The following AKAP13 variants were observed in gnomAD, a reference collection of about 807,000 sequenced individuals.
AKAP13 encodes the protein A-kinase anchor protein 13.
In AKAP13, 80 loss-of-function variants were observed where a neutral mutation model predicts 264.5. The observed-to-expected ratio is 0.30, with a 90% CI of 0.25 to 0.36. The LOEUF (loss-of-function observed/expected upper bound fraction) is 0.36, where lower values mean the gene tolerates loss of function less well. Among genes scored for constraint, AKAP13 ranks in the 10% least tolerant of loss-of-function variants. The pLI is 1.00. For synonymous variants in AKAP13, 1,380 were observed against 1,250.2 expected, an observed-to-expected ratio of 1.10 and a Z score of -2.19; for missense variants, 3,712 against 3,435.2, an observed-to-expected ratio of 1.08 and a Z score of -2.01.
At chr15:85,428,839 C>G (rs2072909177) in intron 1 of AKAP13, among the ~76,000 whole-genome samples, 1 of 152,156 alleles carries the variant, frequency 6.6e-6, no homozygotes, top group African/African-American at 2.4e-5. Flanking sequence ...ACTTTTCTAC[C>G]AGATAATCAT....
At chr15:85,651,987 T>A (rs531129312) in intron 10 of AKAP13, among the ~76,000 whole-genome samples, 1 of 152,236 alleles carries the variant, frequency 6.6e-6, no homozygotes, top group Admixed American at 6.5e-5. Context: ...TTTCAAGTAA[T>A]AACCACCAAT....
At chr15:85,477,954 G>C (rs879774693) in intron 1 of AKAP13, among the ~76,000 whole-genome samples, 1 of 152,036 alleles carries the variant, frequency 6.6e-6, no homozygotes, top group Non-Finnish European at 1.5e-5. Context: ...GTCATATCTG[G>C]CGCGTGCTGT....
Position 85,722,332 on chromosome 15 carries a change from T to C in AKAP13, c.6481T>C (p.Leu2161=). Residue 2161 remains leucine, a synonymous_variant, in exon 25 of 37, where the codon TTG becomes CTG. Coordinates refer to ENST00000394518, the MANE Select transcript of AKAP13 (RefSeq NM_007200.5). ...GTACCCAGTTTTATTCCAAAGAATATTGCAGTGTACCAAAGGTAAGTCTCC... is the reference window on the plus strand; with the variant it reads ...GTACCCAGTTTTATTCCAAAGAATACTGCAGTGTACCAAAGGTAAGTCTCC... ...TKYPVLFQRI[L]QCTKDNEVEQ... 1 of 1,612,032 alleles carries C rather than the reference T, an allele frequency of 6.2e-7. No homozygotes were observed. Among genetic ancestry groups the C allele is most frequent in the African/African-American group, 1.3e-5 (1 of 74,924 alleles).
chr15:85,498,224 A>ATATATG (rs918992626), intron 2 of AKAP13, among the ~76,000 whole-genome samples: 7 of 118,888 alleles, frequency 5.9e-5, no homozygotes, highest in Admixed American at 4.2e-4. Context: ...ATATATATAT[A>ATATATG]TATCACATTG....
At position 85,580,480 on chromosome 15, in the gene AKAP13, T is replaced by G; in HGVS notation, c.2412T>G (p.Phe804Leu). The G allele has an allele frequency of 6.2e-7, 1 of 1,614,232 alleles. No individual in the cohort carries two copies. ...TAACCAAGGATGACGCACTTTCTTTTGTCCCCTCCCAGAAAGAAAAGGGAA... is the reference window on the plus strand; with the variant it reads ...TAACCAAGGATGACGCACTTTCTTTGGTCCCCTCCCAGAAAGAAAAGGGAA... Reference protein sequence around the residue: ...ESVTKDDALSFVPSQKEKGTA... With the variant: ...ESVTKDDALSLVPSQKEKGTA... Residue 804 changes from phenylalanine to leucine, a missense_variant, in exon 7 of 37, where the codon TTT becomes TTG. Physicochemically the swap from Phe to Leu is conservative, Grantham distance 22. Transcript: ENST00000394518.
intron 14 of AKAP13, among the ~76,000 whole-genome samples, chr15:85,681,071 G>T (rs1234374291): frequency 6.6e-6 from 1 of 152,190 alleles, no homozygotes; most frequent in East Asian, 1.9e-4. Context: ...GCCTGCCTCT[G>T]CCTCCCAAAG....
Position 85,736,073 on chromosome 15 carries a change from T to G in AKAP13, c.7513-17T>G. ...CAAGATCTTCATTTTTTTATATGTA[T>G]GTTTTTTGTTTTATAGGGTGGAAAT... On this transcript the variant is annotated splice_polypyrimidine_tract_variant and intron_variant, in intron 32 of 36. Transcript: ENST00000394518. 1.9e-6 allele frequency: 3 copies of G among 1,574,024 alleles called. No individual in the cohort carries two copies. The highest frequency in any genetic ancestry group is 2.6e-6 in the Non-Finnish European group (3 of 1,144,470).
intron 14 of AKAP13, among the ~76,000 whole-genome samples, chr15:85,678,887 A>C (rs2084410721): frequency 6.6e-6 from 1 of 152,014 alleles, no homozygotes; most frequent in Non-Finnish European, 1.5e-5. Flanking sequence ...CAAAATTAAA[A>C]AAAAAAAATC....
chr15:85,431,117 A>G (rs553690132), intron 1 of AKAP13, among the ~76,000 whole-genome samples: 5 of 152,334 alleles, frequency 3.3e-5, no homozygotes, highest in African/African-American at 1.2e-4. Context: ...ATTCCAGAGA[A>G]TGGAATAACC....
At chr15:85,600,649 T>C (rs1195673180) in intron 8 of AKAP13, among the ~76,000 whole-genome samples, 1 of 152,258 alleles carries the variant, frequency 6.6e-6, no homozygotes, top group African/African-American at 2.4e-5. Flanking sequence ...TTAAAAGATT[T>C]AACAAATGCA....
intron 25 of AKAP13, 91 bp downstream of exon 25, chr15:85,722,438 A>C: frequency 9.8e-7 from 1 of 1,023,510 alleles, no homozygotes; most frequent in South Asian, 1.8e-5. Context: ...GTGCTATTTC[A>C]TGCTTTAGTA....
intron 1 of AKAP13, among the ~76,000 whole-genome samples, chr15:85,417,937 A>G (rs1567046731): frequency 6.6e-6 from 1 of 152,154 alleles, no homozygotes; most frequent in Non-Finnish European, 1.5e-5. Flanking sequence ...GCTACATTAA[A>G]GGAGAAGTTT....
At chr15:85,584,502 A>C (rs1032383899) in intron 7 of AKAP13, among the ~76,000 whole-genome samples, 6 of 152,238 alleles carry the variant, frequency 3.9e-5, no homozygotes, top group Non-Finnish European at 8.8e-5. Flanking sequence ...ATCAAGGGAT[A>C]GTTCTAAGGG....
At chr15:85,655,066 C>T (rs181221328) in intron 10 of AKAP13, among the ~76,000 whole-genome samples, 46 of 152,216 alleles carry the variant, frequency 3.0e-4, no homozygotes, top group Non-Finnish European at 5.0e-4. Context: ...GTGGTGCATG[C>T]CTGTAATCCC....
At chr15:85,740,650 G>C (rs2088883444) in intron 34 of AKAP13, 3 of 319,384 alleles carry the variant, frequency 9.4e-6, no homozygotes, top group Non-Finnish European at 1.7e-5. Flanking sequence ...GACTTCCCAG[G>C]AACATCCTCA....
chr15:85,453,116 C>A (rs1434786309), intron 1 of AKAP13, among the ~76,000 whole-genome samples: 1 of 152,184 alleles, frequency 6.6e-6, no homozygotes, highest in Non-Finnish European at 1.5e-5. Flanking sequence ...CTTGAGTTTA[C>A]TGCAGCTTGT....
At chr15:85,544,720 G>A (rs948269840) in intron 5 of AKAP13, among the ~76,000 whole-genome samples, 3 of 152,136 alleles carry the variant, frequency 2.0e-5, no homozygotes, top group East Asian at 1.9e-4. Flanking sequence ...AATAGTTTCT[G>A]TTGTTTAATA....
chr15:85,715,758 G>T, intron 19 of AKAP13, 30 bp from the exon 20 acceptor site: 1 of 1,587,488 alleles, frequency 6.3e-7, no homozygotes, highest in Non-Finnish European at 8.5e-7. Context: ...CTGGATGGGT[G>T]ATGCTTCAGT....
intron 8 of AKAP13, among the ~76,000 whole-genome samples, chr15:85,606,365 G>A (rs1009719739): frequency 4.6e-5 from 7 of 152,088 alleles, no homozygotes; most frequent in African/African-American, 1.4e-4. Flanking sequence ...GCCTCCCAAA[G>A]TGCTGGGATT....
Sources: allele counts gnomAD v4.1 joint callset (sites outside exome capture counted in the v4.1 genomes callset), GRCh38; gene constraint gnomAD v4.1.1; transcripts MANE v1.5; gene names NCBI Gene and HGNC (gene_info 2026-07-23, HGNC 2026-07-21).